ZSCAN31: variants seen among roughly 807,000 people sequenced by gnomAD.
ZSCAN31 encodes zinc finger and SCAN domain-containing protein 31.
A neutral mutation model predicts 22.5 loss-of-function variants in ZSCAN31; 14 were observed. The ratio of observed to expected loss-of-function variants is 0.62; its 90% CI spans 0.41 to 0.97. The LOEUF is 0.97. Ranked by LOEUF, ZSCAN31 falls within the 50% of genes least tolerant of loss-of-function variation. The pLI is 0.00. For missense variants in ZSCAN31, 424 were observed against 483.4 expected (o/e 0.88, Z 1.15); for synonymous variants, 168 against 169.8 (o/e 0.99, Z 0.08).
rs1394036383 is a variant in ZSCAN31 at position 28,326,389 on chromosome 6, A to G, written c.998T>C (p.Leu333Pro). The G allele has an allele frequency of 6.2e-7, 1 of 1,614,096 alleles. No homozygotes were observed. The highest frequency in any genetic ancestry group is 8.5e-7 in the Non-Finnish European group (1 of 1,179,984). The change falls in exon 4 of 4, where the codon CTC becomes CCC. Residue 333 changes from leucine (L) to proline (P), a missense_variant. Physicochemically the swap from Leu to Pro is moderately conservative, Grantham distance 98 (BLOSUM62 -3). Transcript: ENST00000344279. ...YECKVCGKAF[L>P]LSSCLVQHQR... is the part of the protein sequence containing the mutation. ...ATGCTGAACAAGGCATGAGCTGAGG[A>G]GGAAAGCCTTCCCACACACTTTGCA...
chr6:28,328,666 C>T (rs188282257), intron 2 of ZSCAN31, among the ~76,000 whole-genome samples: 1 of 152,262 alleles, frequency 6.6e-6, no homozygotes, highest in Non-Finnish European at 1.5e-5. Context: ...AGGCAATATA[C>T]ATCCTCCTCA....
In ZSCAN31 at chr6:28,325,922, C is replaced by T. The variant is rs184739544; in HGVS notation, c.*244G>A. The stretch of plus-strand genomic sequence containing the variant: ...AATAAGAAGGCCACCCAGCAACCCC[C>T]TACAATCACAGTCATCCACACAGGA... On this transcript the variant is annotated 3_prime_UTR_variant, in exon 4 of 4. Coordinates refer to ENST00000344279, the MANE Select transcript of ZSCAN31 (RefSeq NM_030899.5). The T allele has an allele frequency of 1.9e-5, 7 of 361,400 alleles. No individual in the cohort carries two copies. In the East Asian group the frequency reaches 3.1e-4, roughly 16 times the overall value. 22.4% of individuals were successfully genotyped at this position (361,400 alleles called of 1,614,324 possible).
At chr6:28,343,798 G>C (rs1370832820) in intron 2 of ZSCAN31, among the ~76,000 whole-genome samples, 1 of 152,054 alleles carries the variant, frequency 6.6e-6, no homozygotes, top group Non-Finnish European at 1.5e-5. Context: ...AAAGTGTTGG[G>C]ATTACAGGTG....
At chr6:28,328,762 T>A (rs1763508542) in intron 2 of ZSCAN31, among the ~76,000 whole-genome samples, 2 of 152,180 alleles carry the variant, frequency 1.3e-5, no homozygotes, top group Admixed American at 6.5e-5. Context: ...GTCCATGAAA[T>A]CTTTACAATT....
rs1415739398 is a variant in ZSCAN31, at chr6:28,325,525, T to A, written c.*641A>T. The stretch of plus-strand genomic sequence containing the variant: ...TCGTATCAAAAACATGAGTTAGATA[T>A]GAAATGAGACATAGATTTCTAAACC... On this transcript the variant is annotated 3_prime_UTR_variant, in exon 4 of 4. Coordinates refer to ENST00000344279, the MANE Select transcript of ZSCAN31 (RefSeq NM_030899.5). 6.6e-6 allele frequency: 1 copy of A among 151,566 alleles called. No individual in the cohort carries two copies. Among genetic ancestry groups the A allele is most frequent in the African/African-American group, 2.4e-5 (1 of 40,938 alleles). The allele number at this position is 151,566 out of a possible 1,614,324, so 9.4% of individuals were successfully genotyped here. A position where few individuals can be genotyped will look rare whatever the true frequency, so the allele number is the denominator to read the frequency against.
intron 2 of ZSCAN31, among the ~76,000 whole-genome samples, chr6:28,346,292 C>G (rs1764637088): frequency 6.8e-6 from 1 of 147,498 alleles, no homozygotes; most frequent in Non-Finnish European, 1.5e-5. Flanking sequence ...GTTTGTCACT[C>G]AAGTTATCCA....
chr6:28,326,875 A>G (rs1169720219), intron 3 of ZSCAN31, 21 bp from the exon 4 acceptor site: 2 of 1,569,714 alleles, frequency 1.3e-6, no homozygotes, highest in African/African-American at 1.4e-5. Context: ...AAATGGACCA[A>G]ACAATGTAAT....
At position 28,328,070 on chromosome 6, in the gene ZSCAN31, C is replaced by T. The variant is rs577474485; in HGVS notation, c.382-537G>A. Among the ~76,000 whole-genome samples the T allele has an allele frequency of 5.3e-5, 8 of 152,224 alleles. No individual in the cohort carries two copies. The South Asian group carries it at 1.0e-3, about 20-fold the overall frequency. ...GATTTTCAAAAGGGGAGGAAGTGTG[C>T]GAATAGGTGTGGGACACAGACATCA... On this transcript the variant is annotated intron_variant, in intron 2 of 3. Coordinates refer to ENST00000344279, the MANE Select transcript of ZSCAN31 (RefSeq NM_030899.5).
rs1765032335 is a variant in ZSCAN31, at chr6:28,351,740, C to A, written c.-371+2122G>T. On this transcript the variant is annotated intron_variant, in intron 2 of 7. Coordinates refer to the ZSCAN31 transcript ENST00000396838. This position sits in a 1 kb window ranked among gnomAD's most constrained non-coding sequence, Gnocchi z 4.6. ...TGTCTTCCTTTCCTTCCCTCCCTCT[C>A]CCCCTCTTTATCTCTTTTTTTTCCT... Among the ~76,000 whole-genome samples the A allele has an allele frequency of 6.6e-6, 1 of 151,730 alleles. No homozygotes were observed. The highest frequency in any genetic ancestry group is 6.6e-5 in the Admixed American group (1 of 15,226).
In ZSCAN31 at chr6:28,326,650, T is replaced by C. The variant is rs1251220554; in HGVS notation, c.737A>G (p.Lys246Arg). 2 of 1,614,078 alleles carry C rather than the reference T, an allele frequency of 1.2e-6. No homozygotes were observed. The highest frequency in any genetic ancestry group is 1.7e-6 in the Non-Finnish European group (2 of 1,180,036). Reference protein sequence around the residue: ...ERRHRCNECGKSFTKSSVLIE... With the variant: ...ERRHRCNECGRSFTKSSVLIE... ...GAGTACTGAACTCTTAGTGAAGCTT[T>C]TCCCACATTCATTGCACCTGTGGCG... is the stretch of plus-strand genomic sequence containing the variant. The change falls in exon 4 of 4, where the codon AAA becomes AGA. Residue 246 changes from lysine (K) to arginine (R), a missense_variant. By Grantham distance (26) the Lys-to-Arg change is conservative. Transcript: ENST00000344279.
chr6:28,330,454 G>A (rs1289887640), intron 1 of ZSCAN31, among the ~76,000 whole-genome samples: 1 of 152,200 alleles, frequency 6.6e-6, no homozygotes, highest in Non-Finnish European at 1.5e-5. Context: ...CTGGGAAGCA[G>A]AATTAGGTAA....
rs200900083 is a variant in ZSCAN31 at position 28,329,509 on chromosome 6, G to A, written c.175C>T (p.Arg59Trp). Residue 59 changes from arginine (R) to tryptophan (W), a missense_variant, in exon 2 of 4, where the codon CGG becomes TGG. Coordinates refer to ENST00000344279, the MANE Select transcript of ZSCAN31 (RefSeq NM_030899.5). ...ETPGPREALS[R>W]LRELCHQWLR... ...CACTGATGACAGAGTTCTCGGAGCC[G>A]GCTCAGAGCTTCTCGGGGACCAGGA... is the stretch of plus-strand genomic sequence containing the variant. 4.1e-5 allele frequency: 66 copies of A among 1,614,220 alleles called. No individual in the cohort carries two copies. Among genetic ancestry groups the A allele is most frequent in the East Asian group, 6.7e-5 (3 of 44,878 alleles).
intron 2 of ZSCAN31, among the ~76,000 whole-genome samples, chr6:28,352,057 T>C (rs1765069610): frequency 6.6e-6 from 1 of 152,214 alleles, no homozygotes; most frequent in African/African-American, 2.4e-5. Context: ...TTGCATTTAT[T>C]TGATAAGTCT....
intron 3 of ZSCAN31, 77 bp downstream of exon 3, chr6:28,327,306 C>G (rs1440470537): frequency 6.6e-7 from 1 of 1,524,208 alleles, no homozygotes; most frequent in East Asian, 2.3e-5. Flanking sequence ...CAATTTAGCC[C>G]CAGAGTCCAC....
At chr6:28,345,144 C>CA (rs60598517) in intron 2 of ZSCAN31, among the ~76,000 whole-genome samples, 6,165 of 93,374 alleles carry the variant, frequency 0.066, 269 homozygotes, top group East Asian at 0.31. Context: ...AACTGTGTCT[C>CA]AAAAAAAAAA....
chr6:28,355,424 C>A (rs564806001), upstream of ZSCAN31: 15 of 152,292 alleles, frequency 9.8e-5, 1 homozygote, highest in East Asian at 2.5e-3. Flanking sequence ...GCTTCTCTGT[C>A]GAGGAATACT....
rs191400837 is a variant in ZSCAN31, at chr6:28,328,500, G to A, written c.381+803C>T. Among the ~76,000 whole-genome samples the A allele has an allele frequency of 1.2e-3, 181 of 152,272 alleles. 1 individual carries two copies. The highest frequency in any genetic ancestry group is 3.9e-3 in the African/African-American group (161 of 41,552). The stretch of plus-strand genomic sequence containing the variant: ...AAGAAGAGAAATATGGCTCTGTTCC[G>A]CCCAGCTAACTGGCAGTCAGAATTT... On this transcript the variant is annotated intron_variant, in intron 2 of 3. Coordinates refer to ENST00000344279, the MANE Select transcript of ZSCAN31 (RefSeq NM_030899.5).
chr6:28,332,457 A>G (rs185578396), intron 1 of ZSCAN31: 27 of 152,364 alleles, frequency 1.8e-4, no homozygotes, highest in African/African-American at 6.3e-4. Context: ...AGTACAGTGA[A>G]TAACGTTCAA....
Position 28,344,946 on chromosome 6 carries a change from A to G in ZSCAN31, c.-370-3154T>C, listed in dbSNP as rs534530341. Among the ~76,000 whole-genome samples the G allele has an allele frequency of 3.3e-5, 5 of 150,620 alleles. No homozygotes were observed. In the East Asian group the frequency reaches 9.8e-4, roughly 29 times the overall value. On this transcript the variant is annotated intron_variant, in intron 2 of 7. Coordinates refer to the ZSCAN31 transcript ENST00000396838. ...GGAACTCCAGATCAGTCTGGTCAAC[A>G]TGGCAAAACCCGTTCTCTACTAAAA...
Sources: gnomAD v4.1 joint callset for allele counts (sites outside exome capture counted in the v4.1 genomes callset) on GRCh38, gnomAD v4.1.1 for gene constraint, Gnocchi (gnomAD v3.1) non-coding constraint, MANE v1.5 for transcripts, NCBI Gene and HGNC (gene_info 2026-07-23, HGNC 2026-07-21) for gene names.